PGM1: variants seen among roughly 807,000 people sequenced by gnomAD.
PGM1 encodes phosphoglucomutase 1, also known as phosphoglucomutase-1.
A neutral mutation model predicts 55.6 loss-of-function variants in PGM1; 52 were observed. The ratio of observed to expected loss-of-function variants is 0.94; its 90% CI spans 0.75 to 1.18. The LOEUF (loss-of-function observed/expected upper bound fraction) is 1.18. PGM1 is among the 50% of genes most tolerant of loss of function. PGM1 has a pLI of 0.00. For synonymous variants in PGM1, 287 were observed against 271.7 expected, an observed-to-expected ratio of 1.06 and a Z score of -0.55; for missense variants, 724 against 729.3, an observed-to-expected ratio of 0.99 and a Z score of 0.08.
chr1:63,630,150 C>T, intron 3 of PGM1, 62 bp downstream of exon 3: 1 of 1,535,940 alleles, frequency 6.5e-7, no homozygotes, highest in Admixed American at 1.7e-5. Flanking sequence ...ATTTTCCTTT[C>T]AACGTTTTAG....
intron 10 of PGM1, among the ~76,000 whole-genome samples, 167 bp downstream of exon 10, chr1:63,654,633 T>C (rs1029011780): frequency 6.6e-6 from 1 of 152,014 alleles, no homozygotes; most frequent in Admixed American, 6.6e-5. Flanking sequence ...AGATAATAAT[T>C]ATAATAATAA....
intron 1 of PGM1, among the ~76,000 whole-genome samples, chr1:63,594,565 A>C (rs1467556779): frequency 6.6e-6 from 1 of 152,030 alleles, no homozygotes; most frequent in Non-Finnish European, 1.5e-5. Context: ...GCCCCCGGCC[A>C]AGGAAAGTTA....
chr1:63,636,557 A>G (rs963813155), intron 6 of PGM1, among the ~76,000 whole-genome samples, 169 bp downstream of exon 6: 7 of 152,054 alleles, frequency 4.6e-5, no homozygotes, highest in South Asian at 4.2e-4. Flanking sequence ...TCTGGATTCA[A>G]TGCCCCTCTC....
At chr1:63,607,713 G>A (rs992768493) in intron 1 of PGM1, among the ~76,000 whole-genome samples, 55 of 151,958 alleles carry the variant, frequency 3.6e-4, no homozygotes, top group African/African-American at 1.3e-3. Flanking sequence ...AATTAGTATC[G>A]TACCCTGCCA....
At chr1:63,632,997 T>C (rs1025820738) in intron 4 of PGM1, among the ~76,000 whole-genome samples, 9 of 152,288 alleles carry the variant, frequency 5.9e-5, no homozygotes, top group African/African-American at 2.2e-4. Flanking sequence ...CCCCCCAGCC[T>C]GGGCGACAAA....
In PGM1 at chr1:63,636,291, G is replaced by A. The variant is rs1478007685; in HGVS notation, c.931G>A (p.Ala311Thr). ...CTTTGTGAACCCTTCAGACTCTGTG[G>A]CTGTCATTGCTGCCAACATCTTCAG... ...GFFVNPSDSV[A>T]VIAANIFSIP... Residue 311 changes from alanine (A) to threonine (T), a missense_variant, in exon 6 of 11, where the codon GCT becomes ACT. Ala to Thr is a moderately conservative substitution (Grantham distance 58). Coordinates refer to ENST00000371084, the MANE Select transcript of PGM1 (RefSeq NM_002633.3). 6.2e-7 allele frequency: 1 copy of A among 1,614,148 alleles called. No individual in the cohort carries two copies. Among genetic ancestry groups the A allele is most frequent in the East Asian group, 2.2e-5 (1 of 44,874 alleles).
chr1:63,594,106 C>G lies in PGM1; in HGVS notation c.246+372C>G, dbSNP rs1647962850. ...CCTAACCTTGCAGCCTTGGAAGATA[C>G]GATTACGGCGCAGAGTGCTGTCGCC... On this transcript the variant is annotated intron_variant, in intron 1 of 10. Coordinates refer to ENST00000371084, the MANE Select transcript of PGM1 (RefSeq NM_002633.3). 4 of 1,016,360 alleles carry G rather than the reference C, an allele frequency of 3.9e-6. No individual in the cohort carries two copies. The South Asian group carries it at 1.3e-4, about 33-fold the overall frequency. The allele number at this position is 1,016,360 out of a possible 1,614,324, so 63.0% of individuals were successfully genotyped here.
At chr1:63,605,566 TTTATTA>T (rs1418986453) in intron 1 of PGM1, among the ~76,000 whole-genome samples, 7 of 152,074 alleles carry the variant, frequency 4.6e-5, no homozygotes, top group Admixed American at 3.3e-4. Context: ...GAATATTTTA[TTTATTA>T]TTATTTATTA....
chr1:63,641,837 CAGGTGCTCAGTA>C (rs1179708694), intron 7 of PGM1, among the ~76,000 whole-genome samples: 3 of 152,226 alleles, frequency 2.0e-5, no homozygotes. Flanking sequence ...CAGCATAGAA[CAGGTGCTCAGTA>C]AACGCTTGTT....
At chr1:63,615,100 G>T (rs1026942443) in intron 1 of PGM1, among the ~76,000 whole-genome samples, 1 of 152,178 alleles carries the variant, frequency 6.6e-6, no homozygotes, top group Admixed American at 6.5e-5. Context: ...TTCCTCCAGT[G>T]CCTGGACCAT....
intron 4 of PGM1, among the ~76,000 whole-genome samples, chr1:63,633,237 G>A (rs1649245474): frequency 6.6e-6 from 1 of 152,164 alleles, no homozygotes; most frequent in Non-Finnish European, 1.5e-5. Context: ...GGAGTCGGTG[G>A]CTGTGGCAAA....
chr1:63,619,239 C>T (rs1169306545), intron 1 of PGM1, among the ~76,000 whole-genome samples: 1 of 152,220 alleles, frequency 6.6e-6, no homozygotes, highest in East Asian at 1.9e-4. Flanking sequence ...CACCTGGCCT[C>T]AGGCCTTCAC....
chr1:63,610,732 G>T (rs996978204), intron 1 of PGM1, among the ~76,000 whole-genome samples: 6 of 152,314 alleles, frequency 3.9e-5, no homozygotes, highest in African/African-American at 1.4e-4. Flanking sequence ...TTTCAGAACA[G>T]AAATATCTTT....
chr1:63,614,735 C>T (rs1487653944), intron 1 of PGM1, among the ~76,000 whole-genome samples: 2 of 151,914 alleles, frequency 1.3e-5, no homozygotes, highest in East Asian at 1.9e-4. Context: ...TACCTGACCT[C>T]GGACAGATGA....
intron 8 of PGM1, chr1:63,651,371 G>A (rs990778605): frequency 5.5e-6 from 2 of 360,586 alleles, no homozygotes; most frequent in African/African-American, 2.1e-5. Flanking sequence ...ATGTTAGATA[G>A]CATCTTTCAA....
chr1:63,603,292 G>T (rs1241848994), intron 1 of PGM1, among the ~76,000 whole-genome samples: 2 of 152,222 alleles, frequency 1.3e-5, no homozygotes, highest in African/African-American at 4.8e-5. Flanking sequence ...GGGGTGTTGG[G>T]CCATGTTCCA....
intron 7 of PGM1, among the ~76,000 whole-genome samples, chr1:63,647,294 A>G (rs56161291): frequency 0.3 from 26,418 of 88,800 alleles, 4,744 homozygotes; most frequent in Admixed American, 0.45. Context: ...ATATATATAT[A>G]TATATATATA....
chr1:63,618,922 G>A (rs1030416802), intron 1 of PGM1, among the ~76,000 whole-genome samples: 6 of 152,012 alleles, frequency 3.9e-5, no homozygotes. Flanking sequence ...GATTCTTCCC[G>A]TACATCAGAT....
At chr1:63,658,397 CTTTT>C (rs34314608) in intron 10 of PGM1, among the ~76,000 whole-genome samples, 1 of 135,186 alleles carries the variant, frequency 7.4e-6, no homozygotes, top group Admixed American at 7.4e-5. Context: ...AGAATTCTCT[CTTTT>C]TTTTTTTTTT....
Sources: gnomAD v4.1 joint callset for allele counts (sites outside exome capture counted in the v4.1 genomes callset) on GRCh38, gnomAD v4.1.1 for gene constraint, MANE v1.5 for transcripts, NCBI Gene and HGNC (gene_info 2026-07-23, HGNC 2026-07-21) for gene names.